BCR: variants seen among roughly 807,000 people sequenced by gnomAD.
The protein encoded by BCR is BCR activator of RhoGEF and GTPase, also known as breakpoint cluster region protein.
A neutral mutation model predicts 138.6 loss-of-function variants in BCR; 58 were observed. The ratio of observed to expected loss-of-function variants is 0.42; its 90% CI spans 0.34 to 0.52. The LOEUF (loss-of-function observed/expected upper bound fraction) is 0.52. Among genes scored for constraint, BCR ranks in the 20% least tolerant of loss-of-function variants. BCR has a pLI of 0.06. For missense variants in BCR, 1,599 were observed against 1,727.2 expected, an observed-to-expected ratio of 0.93 and a Z score of 1.32; for synonymous variants, 786 against 730.1, an observed-to-expected ratio of 1.08 and a Z score of -1.23.
chr22:23,187,209 G>C (rs1233853366), intron 1 of BCR, among the ~76,000 whole-genome samples: 4 of 151,728 alleles, frequency 2.6e-5, no homozygotes, highest in East Asian at 1.9e-4. Context: ...TCAATTACTC[G>C]GTCTTTTTCT....
intron 16 of BCR, among the ~76,000 whole-genome samples, chr22:23,304,205 G>A (rs2073934124): frequency 6.7e-6 from 1 of 148,826 alleles, no homozygotes; most frequent in Non-Finnish European, 1.5e-5. Context: ...CTCCCAAAGT[G>A]CTGAGATTAC....
intron 14 of BCR, among the ~76,000 whole-genome samples, 175 bp from the exon 15 acceptor site, chr22:23,292,366 G>A (rs1013599849): frequency 3.3e-5 from 5 of 152,198 alleles, no homozygotes; most frequent in African/African-American, 9.7e-5. Context: ...CATCGCATGA[G>A]GTGCTGGTGT....
chr22:23,181,290 C>G lies in BCR; in HGVS notation c.330C>G (p.Ala110=). 1 of 1,308,354 alleles carries G rather than the reference C, an allele frequency of 7.6e-7. No individual in the cohort carries two copies. The highest frequency in any genetic ancestry group is 9.8e-7 in the Non-Finnish European group (1 of 1,024,512). 81.0% of individuals were successfully genotyped at this position (1,308,354 alleles called of 1,614,324 possible). A position where few individuals can be genotyped will look rare whatever the true frequency, so the allele number is the denominator to read the frequency against. The change falls in exon 1 of 23, where the codon GCC becomes GCG. Residue 110 remains alanine, a synonymous_variant. Transcript: ENST00000305877. ...APADGADPPP[A]EEPEARPDGE... ...CCGACGGAGCCGACCCGCCGCCCGC[C>G]GAGGAGCCCGAGGCCCGGCCCGACG...
chr22:23,294,325 A>G (rs1307804911), intron 15 of BCR, among the ~76,000 whole-genome samples: 3 of 152,238 alleles, frequency 2.0e-5, no homozygotes, highest in Admixed American at 2.0e-4. Context: ...TGTATCCACC[A>G]TAATAATATC....
chr22:23,246,505 C>A (rs2073158671), intron 1 of BCR, among the ~76,000 whole-genome samples: 1 of 152,046 alleles, frequency 6.6e-6, no homozygotes, highest in Admixed American at 6.5e-5. Context: ...GATTATACAC[C>A]TAGGAGGGGA....
At chr22:23,292,798 C>G (rs1046487132) in intron 15 of BCR, among the ~76,000 whole-genome samples, 160 bp downstream of exon 15, 1 of 152,194 alleles carries the variant, frequency 6.6e-6, no homozygotes, top group African/African-American at 2.4e-5. Flanking sequence ...GTGACGTGTC[C>G]AAGAGATTTT....
intron 2 of BCR, 107 bp from the exon 3 acceptor site, chr22:23,260,843 G>A: frequency 9.7e-7 from 1 of 1,033,986 alleles, no homozygotes. Flanking sequence ...TGTGGGGGCA[G>A]GGGTTTGTCC....
chr22:23,295,568 CT>C (rs1602116079), intron 16 of BCR, among the ~76,000 whole-genome samples: 4 of 152,082 alleles, frequency 2.6e-5, no homozygotes, highest in Non-Finnish European at 5.9e-5. Context: ...CAGAGGCTGC[CT>C]GCTTGGCATC....
intron 1 of BCR, among the ~76,000 whole-genome samples, chr22:23,226,327 AGT>A (rs751492915): frequency 4.5e-3 from 209 of 45,936 alleles, no homozygotes; most frequent in East Asian, 0.036. Flanking sequence ...AGAGAGAGAG[AGT>A]GTGTGTGTGT....
intron 1 of BCR, among the ~76,000 whole-genome samples, chr22:23,214,559 C>A (rs6003558): frequency 1.1e-3 from 164 of 152,272 alleles, no homozygotes; most frequent in African/African-American, 3.8e-3. Context: ...TCTGCTCAGG[C>A]GGATTATTTC....
chr22:23,181,681 G>T lies in BCR; in HGVS notation c.721G>T (p.Gly241Cys), dbSNP rs1479714090. The T allele has an allele frequency of 1.9e-6, 3 of 1,605,624 alleles. No homozygotes were observed. Among genetic ancestry groups the T allele is most frequent in the East Asian group, 2.2e-5 (1 of 44,862 alleles). ...GGGACGCTCCTCGGAGAGCAGCTGC[G>T]GCGTCGACGGCGACTACGAGGACGC... is the stretch of plus-strand genomic sequence containing the variant. Reference protein sequence around the residue: ...YRGRSSESSCGVDGDYEDAEL... With the variant: ...YRGRSSESSCCVDGDYEDAEL... The change falls in exon 1 of 23, where the codon GGC becomes TGC. Residue 241 changes from glycine (G) to cysteine (C), a missense_variant. Physicochemically the swap from Gly to Cys is radical, Grantham distance 159. Coordinates refer to ENST00000305877, the MANE Select transcript of BCR (RefSeq NM_004327.4).
At chr22:23,264,492 A>T in intron 4 of BCR, 1 of 574,396 alleles carries the variant, frequency 1.7e-6, no homozygotes, top group Admixed American at 3.1e-5. Flanking sequence ...GTGCTCAGGC[A>T]CCTTGCAGTA....
At chr22:23,246,072 C>T (rs984609825) in intron 1 of BCR, among the ~76,000 whole-genome samples, 4 of 152,068 alleles carry the variant, frequency 2.6e-5, no homozygotes, top group African/African-American at 7.2e-5. Flanking sequence ...GCATATTTCC[C>T]GTAGCATCAT....
At chr22:23,193,108 C>G (rs529943603) in intron 1 of BCR, among the ~76,000 whole-genome samples, 1 of 152,360 alleles carries the variant, frequency 6.6e-6, no homozygotes, top group East Asian at 1.9e-4. Flanking sequence ...AGATTCACTT[C>G]ACTTTAAAGG....
In BCR at chr22:23,289,589, T is replaced by C; in HGVS notation, c.2675T>C (p.Val892Ala). Residue 892 changes from valine (V) to alanine (A), a missense_variant, in exon 13 of 23, where the codon GTC becomes GCC. Val to Ala is a moderately conservative substitution (Grantham distance 64). Coordinates refer to ENST00000305877, the MANE Select transcript of BCR (RefSeq NM_004327.4). ...LTNSCVKLQT[V>A]HSIPLTINKE... is the part of the protein sequence containing the mutation. Reference sequence around the variant, plus strand: ...AACTCGTGTGTGAAACTCCAGACTGTCCACAGCATTCCGCTGACCATCAAT... The same window carrying C: ...AACTCGTGTGTGAAACTCCAGACTGCCCACAGCATTCCGCTGACCATCAAT... 2 of 1,614,008 alleles carry C rather than the reference T, an allele frequency of 1.2e-6. No homozygotes were observed. Among genetic ancestry groups the C allele is most frequent in the Non-Finnish European group, 1.7e-6 (2 of 1,179,988 alleles).
chr22:23,202,083 T>C, intron 1 of BCR, among the ~76,000 whole-genome samples: 1 of 152,236 alleles, frequency 6.6e-6, no homozygotes, highest in South Asian at 2.1e-4. Flanking sequence ...GGCCATATTA[T>C]TACTTTGTAG....
intron 10 of BCR, among the ~76,000 whole-genome samples, chr22:23,285,878 C>T (rs2073705565): frequency 6.6e-6 from 1 of 152,212 alleles, no homozygotes; most frequent in Non-Finnish European, 1.5e-5. Flanking sequence ...AGTTCACAGG[C>T]AAATGCCTGG....
At chr22:23,224,316 G>T (rs1435666197) in intron 1 of BCR, among the ~76,000 whole-genome samples, 1 of 152,214 alleles carries the variant, frequency 6.6e-6, no homozygotes, top group Non-Finnish European at 1.5e-5. Flanking sequence ...AGGTGGTGGT[G>T]ATGGCTGCTT....
intron 11 of BCR, 141 bp downstream of exon 11, chr22:23,287,419 T>G (rs1027436867): frequency 1.5e-6 from 2 of 1,336,704 alleles, no homozygotes. Flanking sequence ...GCACGCACAT[T>G]CCTTTGTCTG....
Sources: allele counts gnomAD v4.1 joint callset (sites outside exome capture counted in the v4.1 genomes callset), GRCh38; gene constraint gnomAD v4.1.1; transcripts MANE v1.5; gene names NCBI Gene and HGNC (gene_info 2026-07-23, HGNC 2026-07-21).